CIROZ: variants seen among roughly 807,000 people sequenced by gnomAD.
CIROZ encodes the protein ciliated left-right organizer ZP-N domains-containing protein.
chr1:10,979,664 C>T, the CIROZ span, among the ~76,000 whole-genome samples: 1 of 152,242 alleles, frequency 6.6e-6, no homozygotes, highest in East Asian at 1.9e-4. Flanking sequence ...TTTCCTGTAA[C>T]CTGGAAACCA....
chr1:10,970,093 AGAAG>A, the CIROZ span: 2 of 1,444,548 alleles, frequency 1.4e-6, no homozygotes, highest in Non-Finnish European at 1.8e-6. Context: ...GATGCTTCTG[AGAAG>A]GAAGGAAGGA....
At chr1:10,970,836 T>C in the CIROZ span, among the ~76,000 whole-genome samples, 1 of 150,796 alleles carries the variant, frequency 6.6e-6, no homozygotes, top group African/African-American at 2.4e-5. Context: ...GGGAGCAAGG[T>C]GACTTCATGG....
chr1:10,968,113 T>A, the CIROZ span, among the ~76,000 whole-genome samples: 1 of 151,770 alleles, frequency 6.6e-6, no homozygotes, highest in Non-Finnish European at 1.5e-5. Flanking sequence ...GAGCTGAGAT[T>A]GCACCACTGC....
At chr1:10,974,344 G>C in the CIROZ span, among the ~76,000 whole-genome samples, 1 of 152,070 alleles carries the variant, frequency 6.6e-6, no homozygotes, top group Admixed American at 6.5e-5. The surrounding 1 kb of genome is among the most constrained non-coding windows in gnomAD (Gnocchi z 4.4). Context: ...AGAGGCGATG[G>C]GATGAGTTGA....
chr1:10,975,407 GAAAAAAA>G, the CIROZ span, among the ~76,000 whole-genome samples: 70 of 78,832 alleles, frequency 8.9e-4, no homozygotes, highest in Non-Finnish European at 1.5e-3. Flanking sequence ...CTCTGTCTCA[GAAAAAAA>G]AAAAAAAAAA....
the CIROZ span, chr1:10,958,766 G>A: frequency 1.9e-6 from 3 of 1,613,774 alleles, no homozygotes; most frequent in African/African-American, 1.3e-5. Flanking sequence ...CAGAGACAAA[G>A]AGGAAGCAAT....
At chr1:10,951,727 ATTT>A in the CIROZ span, among the ~76,000 whole-genome samples, 1 of 127,554 alleles carries the variant, frequency 7.8e-6, no homozygotes, top group Non-Finnish European at 1.6e-5. Context: ...CCTGTCTCTT[ATTT>A]AAAAAAAAAA....
At chr1:10,960,627 T>C in the CIROZ span, among the ~76,000 whole-genome samples, 17 of 152,316 alleles carry the variant, frequency 1.1e-4, no homozygotes, top group Non-Finnish European at 2.4e-4. The surrounding 1 kb of genome is among the most constrained non-coding windows in gnomAD (Gnocchi z 4.6). Context: ...TTGCGCGGCC[T>C]CCCGCTCGGG....
the CIROZ span, chr1:10,976,161 A>G: frequency 6.5e-7 from 1 of 1,536,680 alleles, no homozygotes; most frequent in Non-Finnish European, 8.7e-7. Flanking sequence ...TTCACCTGTT[A>G]AAACTTCTGC....
the CIROZ span, chr1:10,948,580 A>AC: frequency 3.7e-6 from 6 of 1,614,130 alleles, no homozygotes; most frequent in Non-Finnish European, 5.1e-6. Context: ...GCTGGCGGTG[A>AC]AGGAGAGGAG....
the CIROZ span, among the ~76,000 whole-genome samples, chr1:10,972,113 C>T: frequency 0.021 from 3,124 of 152,286 alleles, 122 homozygotes; most frequent in African/African-American, 0.072. Context: ...TAGTACAGAA[C>T]ACTGGAGTTT....
chr1:10,950,030 C>CTTTTTT, the CIROZ span, among the ~76,000 whole-genome samples: 28 of 101,676 alleles, frequency 2.8e-4, no homozygotes, highest in Non-Finnish European at 3.6e-4. Flanking sequence ...CATCAAGATT[C>CTTTTTT]TTTTTTTTTT....
chr1:10,964,152 G>A, the CIROZ span: 1 of 1,614,010 alleles, frequency 6.2e-7, no homozygotes, highest in Non-Finnish European at 8.5e-7. Flanking sequence ...GCCCACAGTG[G>A]ACGCTTTCCT....
chr1:10,972,211 A>G, the CIROZ span, among the ~76,000 whole-genome samples: 1 of 152,212 alleles, frequency 6.6e-6, no homozygotes, highest in Non-Finnish European at 1.5e-5. Flanking sequence ...TTCCCCCAAT[A>G]GAGCCCTGCC....
At chr1:10,958,798 A>G in the CIROZ span, 1 of 1,604,954 alleles carries the variant, frequency 6.2e-7, no homozygotes, top group Non-Finnish European at 8.5e-7. Flanking sequence ...GCGGTGAGCA[A>G]AGGTGAGCAA....
chr1:10,972,738 G>A, the CIROZ span, among the ~76,000 whole-genome samples: 1 of 152,086 alleles, frequency 6.6e-6, no homozygotes, highest in Non-Finnish European at 1.5e-5. Flanking sequence ...TGCCCCTCCT[G>A]GGTGAAAGCA....
At chr1:10,980,565 G>T in the CIROZ span, among the ~76,000 whole-genome samples, 6 of 152,258 alleles carry the variant, frequency 3.9e-5, no homozygotes, top group Non-Finnish European at 8.8e-5. Context: ...AGGACCAGAA[G>T]AATAATCTTG....
the CIROZ span, chr1:10,957,511 A>G: frequency 6.7e-7 from 1 of 1,501,016 alleles, no homozygotes; most frequent in Non-Finnish European, 8.9e-7. Context: ...CCAGTCTCGC[A>G]GGTGGACATT....
the CIROZ span, among the ~76,000 whole-genome samples, chr1:10,980,086 A>T: frequency 6.6e-6 from 1 of 152,308 alleles, no homozygotes; most frequent in South Asian, 2.1e-4. Flanking sequence ...TTTAAAAAGC[A>T]ATGTGAAAAG....
Sources: gnomAD v4.1 joint callset for allele counts (sites outside exome capture counted in the v4.1 genomes callset) on GRCh38, gnomAD v4.1.1 for gene constraint, Gnocchi (gnomAD v3.1) non-coding constraint, MANE v1.5 for transcripts, NCBI Gene and HGNC (gene_info 2026-07-23, HGNC 2026-07-21) for gene names.